GSTZ1: variants seen among roughly 807,000 people sequenced by gnomAD.
GSTZ1 encodes glutathione S-transferase zeta 1.
Under a neutral mutation model 35.9 loss-of-function variants are expected in GSTZ1, and 34 were observed. The observed-to-expected ratio is 0.95, with a 90% CI of 0.72 to 1.26. The LOEUF (loss-of-function observed/expected upper bound fraction) is 1.26, where lower values mean the gene tolerates loss of function less well. Ranked by LOEUF, GSTZ1 falls within the 50% of genes most tolerant of loss-of-function variation. GSTZ1 has a pLI of 0.00. For missense variants in GSTZ1, 263 were observed against 271.7 expected (o/e 0.97, Z 0.23); for synonymous variants, 93 against 101.2 (o/e 0.92, Z 0.49).
At position 77,321,192 on chromosome 14, in the gene GSTZ1, C is replaced by T. The variant is rs992680134; in HGVS notation, c.15+9C>T. ...AGATGCAGGCGGGGAAGGTCTGTGACGCGCACCCGGGTGGAGGGAAGCTGG... is the reference window on the plus strand; with the variant it reads ...AGATGCAGGCGGGGAAGGTCTGTGATGCGCACCCGGGTGGAGGGAAGCTGG... On this transcript the variant is annotated intron_variant, in intron 1 of 8. Transcript: ENST00000216465. 7 of 1,482,286 alleles carry T rather than the reference C, an allele frequency of 4.7e-6. No homozygotes were observed. The Admixed American group carries it at 1.4e-4, about 30-fold the overall frequency. 91.8% of individuals were successfully genotyped at this position (1,482,286 alleles called of 1,614,324 possible). A position where few individuals can be genotyped will look rare whatever the true frequency, so the allele number is the denominator to read the frequency against.
chr14:77,324,236 A>G (rs1412164129), intron 1 of GSTZ1: 4 of 237,768 alleles, frequency 1.7e-5, no homozygotes, highest in African/African-American at 7.1e-5. Flanking sequence ...TCCACCTCTC[A>G]GGTTCAAGCT....
At chr14:77,330,128 G>A (rs1455784581) in intron 7 of GSTZ1, 182 bp from the exon 8 acceptor site, 1 of 733,148 alleles carries the variant, frequency 1.4e-6, no homozygotes, top group East Asian at 2.6e-5. Flanking sequence ...GCCTGGGAGG[G>A]CACTTCAGCT....
At chr14:77,324,639 C>A (rs1423705968) in intron 1 of GSTZ1, 2 of 1,518,794 alleles carry the variant, frequency 1.3e-6, no homozygotes, top group South Asian at 1.2e-5. Context: ...AAGGCACTCT[C>A]AGGCTAGCTG....
chr14:77,325,086 C>T lies in GSTZ1; in HGVS notation c.67+165C>T. 1 of 646,310 alleles carries T rather than the reference C, an allele frequency of 1.5e-6. No individual in the cohort carries two copies. The highest frequency in any genetic ancestry group is 2.8e-6 in the Non-Finnish European group (1 of 351,702). The allele number at this position is 646,310 out of a possible 1,614,324, so 40.0% of individuals were successfully genotyped here. On this transcript the variant is annotated intron_variant, in intron 2 of 8. Transcript: ENST00000216465. ...TCCTAGAACCCCCATCCCTGCATGG[C>T]ATCTCCACCCCGGAAACACAGGGTG...
rs1053820903 is a variant in GSTZ1, at chr14:77,330,944, A to G, written c.525-125A>G. On this transcript the variant is annotated intron_variant, in intron 8 of 8. Coordinates refer to ENST00000216465, the MANE Select transcript of GSTZ1 (RefSeq NM_145870.3). ...ATCCCCTGTGAATAAGGGCTGCCCCATCGTCCTTCCCTGGACAGCTCCCTC... is the reference window on the plus strand; with the variant it reads ...ATCCCCTGTGAATAAGGGCTGCCCCGTCGTCCTTCCCTGGACAGCTCCCTC... 515 of 833,156 alleles carry G rather than the reference A, an allele frequency of 6.2e-4. 2 individuals are homozygous for G. Among genetic ancestry groups the G allele is most frequent in the Non-Finnish European group, 5.4e-4 (281 of 520,444 alleles). The allele number at this position is 833,156 out of a possible 1,614,324, so 51.6% of individuals were successfully genotyped here. A position where few individuals can be genotyped will look rare whatever the true frequency, so the allele number is the denominator to read the frequency against.
Position 77,321,323 on chromosome 14 carries a change from G to T in GSTZ1, c.15+140G>T, listed in dbSNP as rs772877382. The T allele has an allele frequency of 1.2e-4, 181 of 1,530,362 alleles. 1 individual carries two copies. The highest frequency in any genetic ancestry group is 1.4e-4 in the Non-Finnish European group (164 of 1,136,886). The allele number at this position is 1,530,362 out of a possible 1,614,324, so 94.8% of individuals were successfully genotyped here. ...CAGTGCTTTGCGCCGGGCACGCTCTGCGCCTGCGTGCTGCGCGCTGCCCGC... is the reference window on the plus strand; with the variant it reads ...CAGTGCTTTGCGCCGGGCACGCTCTTCGCCTGCGTGCTGCGCGCTGCCCGC... On this transcript the variant is annotated intron_variant, in intron 1 of 8. Transcript: ENST00000216465.
At chr14:77,322,744 A>G in intron 1 of GSTZ1, 1 of 983,384 alleles carries the variant, frequency 1.0e-6, no homozygotes, top group Non-Finnish European at 1.2e-6. Context: ...TACCTTCAGG[A>G]CAGGCTGGGA....
chr14:77,327,304 G>A, intron 3 of GSTZ1, 168 bp from the exon 4 acceptor site: 1 of 624,944 alleles, frequency 1.6e-6, no homozygotes, highest in South Asian at 1.9e-5. Flanking sequence ...GCTGGGCTTT[G>A]GGAGACTGCA....
chr14:77,329,771 ACAG>A lies in GSTZ1; in HGVS notation c.439_441del (p.Gln147del). The A allele has an allele frequency of 6.2e-7, 1 of 1,613,704 alleles. No homozygotes were observed. Among genetic ancestry groups the A allele is most frequent in the Non-Finnish European group, 8.5e-7 (1 of 1,179,614 alleles). ...TCCCCACAGCCCTGGAGCAGATCCT[ACAG>A]AGCACAGCGGGCATATACTGTGTAG... On this transcript the variant is annotated inframe_deletion, in exon 7 of 9. Transcript: ENST00000216465.
intron 1 of GSTZ1, 144 bp downstream of exon 1, chr14:77,321,327 C>T (rs1231419953): frequency 3.3e-6 from 5 of 1,530,758 alleles, no homozygotes; most frequent in East Asian, 2.5e-5. Context: ...CGCTCTGCGC[C>T]TGCGTGCTGC....
intron 6 of GSTZ1, 132 bp downstream of exon 6, chr14:77,329,333 A>G (rs1000573549): frequency 1.1e-5 from 8 of 705,418 alleles, no homozygotes; most frequent in Non-Finnish European, 1.8e-5. Flanking sequence ...TGAGGGCAGG[A>G]CTGGGGAGGC....
intron 1 of GSTZ1, chr14:77,322,657 TC>T: frequency 1.0e-6 from 1 of 985,298 alleles, no homozygotes. Context: ...GCCACCCAAT[TC>T]CTCCTCTTCG....
rs532356813 is a variant in GSTZ1 at position 77,327,208 on chromosome 14, G to A, written c.136-264G>A. The A allele has an allele frequency of 1.2e-5, 7 of 595,510 alleles. No homozygotes were observed. In the East Asian group the frequency reaches 1.4e-4, roughly 12 times the overall value. 36.9% of individuals were successfully genotyped at this position (595,510 alleles called of 1,614,324 possible). ...TGGGCCCTCTGGATGGCTGACTAGG[G>A]TAGGAGCTGCCTTGGTGGCCACGGT... On this transcript the variant is annotated intron_variant, in intron 3 of 8. Transcript: ENST00000216465.
At position 77,321,369 on chromosome 14, in the gene GSTZ1, G is replaced by T. The variant is rs552423473; in HGVS notation, c.15+186G>T. On this transcript the variant is annotated intron_variant, in intron 1 of 8. Coordinates refer to ENST00000216465, the MANE Select transcript of GSTZ1 (RefSeq NM_145870.3). ...CCCGCTGGGGCTCGAAGTTCCGGGAGGGTTGGGCCAGAGGAGGCGGTCCTG... is the reference window on the plus strand; with the variant it reads ...CCCGCTGGGGCTCGAAGTTCCGGGATGGTTGGGCCAGAGGAGGCGGTCCTG... The T allele has an allele frequency of 5.4e-5, 83 of 1,530,816 alleles. 2 individuals carry two copies. In the South Asian group the frequency reaches 8.8e-4, roughly 16 times the overall value. 94.8% of individuals were successfully genotyped at this position (1,530,816 alleles called of 1,614,324 possible).
intron 3 of GSTZ1, 146 bp downstream of exon 3, chr14:77,327,051 T>C: frequency 1.5e-6 from 1 of 655,980 alleles, no homozygotes; most frequent in Non-Finnish European, 2.7e-6. Flanking sequence ...CTCTCCCTTG[T>C]GGGACAAGGT....
At chr14:77,321,765 C>T (rs954690905) in intron 1 of GSTZ1, among the ~76,000 whole-genome samples, 3 of 152,098 alleles carry the variant, frequency 2.0e-5, no homozygotes, top group Admixed American at 6.5e-5. Flanking sequence ...CGCCTGTAGT[C>T]CCAGCTACTC....
chr14:77,323,224 C>T (rs1245678878), intron 1 of GSTZ1: 1 of 152,022 alleles, frequency 6.6e-6, no homozygotes, highest in Non-Finnish European at 1.5e-5. Context: ...TGATGGGGGC[C>T]ATTAGTCTGT....
chr14:77,330,519 A>G (rs1892569396), intron 8 of GSTZ1, among the ~76,000 whole-genome samples, 160 bp downstream of exon 8: 3 of 152,118 alleles, frequency 2.0e-5, no homozygotes, highest in African/African-American at 7.2e-5. Context: ...AGGGCAGAAG[A>G]AATTGGGGCA....
At chr14:77,321,450 C>A (rs1375958017) in intron 1 of GSTZ1, 2 of 1,518,002 alleles carry the variant, frequency 1.3e-6, no homozygotes, top group African/African-American at 2.8e-5. Context: ...ACTTCTGCTC[C>A]GCCCTCCCTG....
Sources: gnomAD v4.1 joint callset for allele counts (sites outside exome capture counted in the v4.1 genomes callset) on GRCh38, gnomAD v4.1.1 for gene constraint, MANE v1.5 for transcripts, NCBI Gene and HGNC (gene_info 2026-07-23, HGNC 2026-07-21) for gene names.